ZNF644: variants seen among roughly 807,000 people sequenced by gnomAD.
ZNF644 encodes the protein zinc finger motif enhancer binding protein 2.
In ZNF644, 20 loss-of-function variants were observed where a neutral mutation model predicts 108.0. The observed-to-expected ratio is 0.19, with a 90% confidence interval of 0.13 to 0.27. The LOEUF is 0.27. Ranked by LOEUF, ZNF644 falls within the 10% of genes least tolerant of loss-of-function variation. ZNF644 has a pLI of 1.00. For synonymous variants in ZNF644, 542 were observed against 539.1 expected, an observed-to-expected ratio of 1.01 and a Z score of -0.08; for missense variants, 1,338 against 1,548.9, an observed-to-expected ratio of 0.86 and a Z score of 2.29.
intron 1 of ZNF644, among the ~76,000 whole-genome samples, chr1:91,000,847 G>A (rs971575916): frequency 1.3e-5 from 2 of 150,934 alleles, no homozygotes; most frequent in African/African-American, 2.4e-5. Flanking sequence ...AAATGATAAA[G>A]GGGATATCAC....
intron 2 of ZNF644, among the ~76,000 whole-genome samples, chr1:90,980,520 A>G (rs981066663): frequency 1.3e-5 from 2 of 152,230 alleles, no homozygotes; most frequent in Non-Finnish European, 2.9e-5. Context: ...AAAAGAGTAT[A>G]AAAAAGTTAG....
intron 1 of ZNF644, among the ~76,000 whole-genome samples, chr1:90,999,446 T>G (rs567283012): frequency 6.6e-5 from 10 of 152,242 alleles, no homozygotes; most frequent in African/African-American, 2.4e-4. Flanking sequence ...CAAACTAAGC[T>G]TCATAAGTGA....
At chr1:90,918,309 GATT>G in intron 4 of ZNF644, 155 bp from the exon 5 acceptor site, 1 of 680,170 alleles carries the variant, frequency 1.5e-6, no homozygotes, top group Non-Finnish European at 2.7e-6. Flanking sequence ...TCAACTTGCT[GATT>G]CTGTAATAGC....
intron 5 of ZNF644, among the ~76,000 whole-genome samples, chr1:90,917,794 G>T (rs1648970667): frequency 6.6e-6 from 1 of 152,124 alleles, no homozygotes; most frequent in Non-Finnish European, 1.5e-5. Context: ...CACCACACCT[G>T]GCCAAGCTAC....
intron 4 of ZNF644, among the ~76,000 whole-genome samples, chr1:90,929,210 C>T (rs1435121987): frequency 1.3e-5 from 2 of 152,170 alleles, no homozygotes; most frequent in Non-Finnish European, 2.9e-5. Flanking sequence ...CAGCTGCCCT[C>T]AAAAGGAGGC....
At chr1:90,946,307 A>G (rs1364643854) in intron 2 of ZNF644, among the ~76,000 whole-genome samples, 1 of 152,076 alleles carries the variant, frequency 6.6e-6, no homozygotes, top group Non-Finnish European at 1.5e-5. Context: ...AAAAAAATAC[A>G]GAACACTTGT....
chr1:90,972,407 T>C (rs1463464075), intron 2 of ZNF644, among the ~76,000 whole-genome samples: 4 of 151,954 alleles, frequency 2.6e-5, no homozygotes, highest in East Asian at 3.9e-4. Flanking sequence ...ATTAGACAAA[T>C]ACAAATCAAA....
Position 90,937,866 on chromosome 1 carries a change from G to A in ZNF644, c.3307C>T (p.Pro1103Ser). 1 of 1,613,688 alleles carries A rather than the reference G, an allele frequency of 6.2e-7. No individual in the cohort carries two copies. Among genetic ancestry groups the A allele is most frequent in the East Asian group, 2.2e-5 (1 of 44,872 alleles). Reference protein sequence around the residue: ...LKALNSRRIIPRPFVAQKLAS... With the variant: ...LKALNSRRIISRPFVAQKLAS... ...AGTTTTTGAGCTACAAATGGTCTGG[G>A]AATAATACGACGACTGTTCAATGCC... The change falls in exon 4 of 6, where the codon CCC becomes TCC. Residue 1103 changes from proline to serine, a missense_variant. By Grantham distance (74) the Pro-to-Ser change is moderately conservative. This residue lies in a region of ZNF644 where 287 missense variants were observed against 310.9 expected (regional missense o/e 0.92). Coordinates refer to ENST00000337393, the MANE Select transcript of ZNF644 (RefSeq NM_201269.3).
At chr1:90,980,236 G>A (rs1189283898) in intron 2 of ZNF644, among the ~76,000 whole-genome samples, 1 of 152,176 alleles carries the variant, frequency 6.6e-6, no homozygotes, top group Non-Finnish European at 1.5e-5. Context: ...ATGGCTTAAA[G>A]GATCAGATGA....
At chr1:90,988,850 T>C (rs531767598) in intron 1 of ZNF644, among the ~76,000 whole-genome samples, 2 of 152,218 alleles carry the variant, frequency 1.3e-5, no homozygotes, top group Admixed American at 1.3e-4. Context: ...AAGAATGAAG[T>C]CGGACCCTTA....
intron 1 of ZNF644, among the ~76,000 whole-genome samples, chr1:91,014,945 C>A (rs1453351555): frequency 6.6e-6 from 1 of 151,970 alleles, no homozygotes; most frequent in Non-Finnish European, 1.5e-5. Context: ...GGATGTGTTT[C>A]CTCACATGTA....
chr1:90,933,859 T>C (rs1333577141), intron 4 of ZNF644, among the ~76,000 whole-genome samples: 3 of 152,202 alleles, frequency 2.0e-5, no homozygotes, highest in African/African-American at 4.8e-5. Flanking sequence ...ACTTATTAAC[T>C]GTGTAAGTTT....
chr1:90,921,538 A>T (rs1321580430), intron 4 of ZNF644, among the ~76,000 whole-genome samples: 1 of 152,054 alleles, frequency 6.6e-6, no homozygotes. Flanking sequence ...TTTCTTCTCA[A>T]GCATAAGCTT....
chr1:90,917,727 G>A (rs1648949821), intron 5 of ZNF644, among the ~76,000 whole-genome samples: 2 of 152,056 alleles, frequency 1.3e-5, no homozygotes, highest in Admixed American at 1.3e-4. Flanking sequence ...TGAACTCCTG[G>A]CCTCAAGTGA....
chr1:90,916,976 A>C lies in ZNF644; in HGVS notation c.3806T>G (p.Val1269Gly), dbSNP rs769456837. Reference sequence around the variant, plus strand: ...CTGAACAGACAAGGGTCCTCGAAAGACTAGGCCACAAAACCTACAGAAAGA... The same window carrying C: ...CTGAACAGACAAGGGTCCTCGAAAGCCTAGGCCACAAAACCTACAGAAAGA... ...YILRCRFCGL[V>G]FRGPLSVQED... is the part of the protein sequence containing the mutation. The change falls in exon 6 of 6, where the codon GTC becomes GGC. Residue 1269 changes from valine to glycine, a missense_variant. Physicochemically the swap from Val to Gly is moderately radical, Grantham distance 109 (BLOSUM62 -3). This residue lies in a region of ZNF644 where 34 missense variants were observed against 78.6 expected (regional missense o/e 0.43). Transcript: ENST00000337393. 1.2e-6 allele frequency: 2 copies of C among 1,614,228 alleles called. No homozygotes were observed. The highest frequency in any genetic ancestry group is 2.2e-5 in the South Asian group (2 of 91,088).
chr1:90,938,353 G>C lies in ZNF644; in HGVS notation c.3001C>G (p.Pro1001Ala). ...LSYEARHVVS[P>A]EQIATSDKMQ... ...TTGTCACTTGTGGCTATTTGTTCTG[G>C]TGATACAACATGACGGGCTTCATAG... Residue 1001 changes from proline (P) to alanine (A), a missense_variant, in exon 3 of 6, where the codon CCA becomes GCA. Coordinates refer to ENST00000337393, the MANE Select transcript of ZNF644 (RefSeq NM_201269.3). This position sits in a 1 kb window ranked among gnomAD's most constrained non-coding sequence, Gnocchi z 4.2. The C allele has an allele frequency of 6.2e-7, 1 of 1,613,894 alleles. No homozygotes were observed. Among genetic ancestry groups the C allele is most frequent in the South Asian group, 1.1e-5 (1 of 91,058 alleles).
At chr1:90,983,787 C>T (rs552477183) in intron 1 of ZNF644, among the ~76,000 whole-genome samples, 19 of 152,198 alleles carry the variant, frequency 1.2e-4, no homozygotes, top group South Asian at 2.1e-4. Flanking sequence ...GTTAGCTGGG[C>T]GTGGTGGCAC....
At position 90,937,611 on chromosome 1, in the gene ZNF644, TAGC is replaced by T; in HGVS notation, c.3559_3561del (p.Ala1187del). On this transcript the variant is annotated inframe_deletion, in exon 4 of 6. Coordinates refer to ENST00000337393, the MANE Select transcript of ZNF644 (RefSeq NM_201269.3). ...TGATTATGGATCTTTTGAGGAGAAA[TAGC>T]AGAATTCCTTTCTTCTCCCATCCTT... The T allele has an allele frequency of 6.2e-7, 1 of 1,613,910 alleles. No individual in the cohort carries two copies. The highest frequency in any genetic ancestry group is 8.5e-7 in the Non-Finnish European group (1 of 1,179,848).
At chr1:91,011,244 T>C (rs1659935250) in intron 1 of ZNF644, among the ~76,000 whole-genome samples, 1 of 152,192 alleles carries the variant, frequency 6.6e-6, no homozygotes, top group Non-Finnish European at 1.5e-5. Context: ...AGCAAGAGTA[T>C]ATTAAATGAA....
Sources: gnomAD v4.1 joint callset for allele counts (sites outside exome capture counted in the v4.1 genomes callset) on GRCh38, gnomAD v4.1.1 for gene constraint, gnomAD v4.1.1 regional missense constraint, Gnocchi (gnomAD v3.1) non-coding constraint, MANE v1.5 for transcripts, NCBI Gene and HGNC (gene_info 2026-07-23, HGNC 2026-07-21) for gene names.